RMDN2: variants seen among roughly 807,000 people sequenced by gnomAD.
The protein encoded by RMDN2 is regulator of microtubule dynamics protein 2.
Under a neutral mutation model 52.8 loss-of-function variants are expected in RMDN2, and 61 were observed. The observed-to-expected ratio is 1.16, with a 90% CI of 0.94 to 1.43. The LOEUF (loss-of-function observed/expected upper bound fraction) is 1.43, where lower values mean the gene tolerates loss of function less well. Among genes scored for constraint, RMDN2 ranks in the 40% most tolerant of loss-of-function variants. The probability of loss-of-function intolerance (pLI) is 0.00; values close to 1 mark genes in which losing one functional copy is unlikely to be tolerated. For missense variants in RMDN2, 592 were observed against 475.3 expected, an observed-to-expected ratio of 1.25 and a Z score of -2.28; for synonymous variants, 180 against 153.1, an observed-to-expected ratio of 1.18 and a Z score of -1.30.
At chr2:37,937,929 G>T (rs1244216194) in intron 2 of RMDN2, among the ~76,000 whole-genome samples, 1 of 152,182 alleles carries the variant, frequency 6.6e-6, no homozygotes, top group African/African-American at 2.4e-5. Flanking sequence ...GTGCTATGTT[G>T]AATAGGAGTG....
intron 8 of RMDN2, chr2:37,998,372 A>C (rs763274170): frequency 2.0e-5 from 3 of 152,310 alleles, no homozygotes; most frequent in African/African-American, 7.2e-5. Flanking sequence ...ACAAAAAAAT[A>C]AAAAAATTTG....
downstream of RMDN2, among the ~76,000 whole-genome samples, chr2:38,019,145 C>T (rs906253987): frequency 6.6e-6 from 1 of 152,168 alleles, no homozygotes; most frequent in Non-Finnish European, 1.5e-5. Context: ...CTCTAAACAG[C>T]TAAAGGAATG....
rs555118901 is a variant in RMDN2, at chr2:38,028,688, G to A, written c.1713+24472G>A. Among the ~76,000 whole-genome samples, 173 of 152,284 alleles carry A rather than the reference G, an allele frequency of 1.1e-3. 2 individuals carry two copies. Among genetic ancestry groups the A allele is most frequent in the Admixed American group, 2.3e-3 (35 of 15,284 alleles). On this transcript the variant is annotated intron_variant, in intron 10 of 10. Coordinates refer to the RMDN2 transcript ENST00000234195. ...TCTGCCCGCTGCAGCCCCTGGGCCAGCTTTGCCCAGCCTCTGCACCTCCCA... is the reference window on the plus strand; with the variant it reads ...TCTGCCCGCTGCAGCCCCTGGGCCAACTTTGCCCAGCCTCTGCACCTCCCA...
rs982771955 is a variant in RMDN2, at chr2:38,046,513, A to G, written c.1714-20469A>G. ...AAACATTAGATATCTATGAGGCTCA[A>G]AGAATTTAAAAAAAGATAAACAAAG... On this transcript the variant is annotated intron_variant, in intron 10 of 10. Transcript: ENST00000234195. Among the ~76,000 whole-genome samples the G allele has an allele frequency of 9.2e-5, 14 of 152,334 alleles. 1 individual carries two copies. The East Asian group carries it at 2.7e-3, about 29-fold the overall frequency.
intron 10 of RMDN2, among the ~76,000 whole-genome samples, chr2:38,006,115 A>G (rs889093102): frequency 6.6e-6 from 1 of 152,096 alleles, no homozygotes; most frequent in African/African-American, 2.4e-5. Flanking sequence ...GCCTTGTAGT[A>G]TAGTTTGAAG....
At chr2:37,946,468 A>G (rs548450258) in intron 2 of RMDN2, among the ~76,000 whole-genome samples, 2 of 152,324 alleles carry the variant, frequency 1.3e-5, no homozygotes, top group African/African-American at 2.4e-5. Context: ...CTCCTTAAGA[A>G]TCTGCACTAA....
upstream of RMDN2, among the ~76,000 whole-genome samples, chr2:37,924,953 AG>A (rs1362138417): frequency 2.0e-5 from 3 of 152,220 alleles, no homozygotes; most frequent in Non-Finnish European, 4.4e-5. Context: ...GCACAGAAAA[AG>A]GTTTAACTAG....
chr2:38,059,697 A>G (rs1441119103), intron 10 of RMDN2, among the ~76,000 whole-genome samples: 3 of 152,190 alleles, frequency 2.0e-5, no homozygotes, highest in African/African-American at 7.2e-5. Flanking sequence ...GATGAACTCA[A>G]GCTAGACTGA....
chr2:38,006,290 G>A (rs1677075187), intron 10 of RMDN2, among the ~76,000 whole-genome samples: 1 of 152,044 alleles, frequency 6.6e-6, no homozygotes, highest in South Asian at 2.1e-4. Context: ...AAATTACCTT[G>A]GTCAGTATGG....
intron 10 of RMDN2, chr2:38,030,622 T>G (rs1401460284): frequency 6.6e-6 from 1 of 152,242 alleles, no homozygotes; most frequent in Non-Finnish European, 1.5e-5. Context: ...CATGGATTTT[T>G]ATTAAACATT....
intron 2 of RMDN2, among the ~76,000 whole-genome samples, chr2:37,933,788 A>AAAGGGGAGAGGGAG (rs1271586531): frequency 7.8e-6 from 1 of 127,938 alleles, no homozygotes; most frequent in African/African-American, 2.9e-5. Context: ...GAGACCGTGG[A>AAAGGGGAGAGGGAG]AAGGGGAGAG....
At position 37,951,218 on chromosome 2, in the gene RMDN2, T is replaced by C; in HGVS notation, c.452+21489T>C. On this transcript the variant is annotated intron_variant, in intron 2 of 10. Transcript: ENST00000354545. ...CCTATTTTTTTTCCTCATTTGACCC[T>C]TTTCTCACTCTTAGCTGCTGCAAAG... The C allele has an allele frequency of 1.9e-6, 3 of 1,538,950 alleles. No homozygotes were observed. The East Asian group carries it at 6.7e-5, about 35-fold the overall frequency.
chr2:38,016,926 G>A (rs1432441502), intron 10 of RMDN2, among the ~76,000 whole-genome samples: 2 of 151,888 alleles, frequency 1.3e-5, no homozygotes, highest in African/African-American at 2.4e-5. Flanking sequence ...CAGGACATGT[G>A]AGGATTAATG....
chr2:38,034,170 C>T (rs1478473852), intron 10 of RMDN2, among the ~76,000 whole-genome samples: 1 of 152,214 alleles, frequency 6.6e-6, no homozygotes, highest in East Asian at 1.9e-4. Context: ...TTTCTTCCCA[C>T]CCTTTGACTG....
At chr2:38,019,692 G>A (rs1040259002), downstream of RMDN2, among the ~76,000 whole-genome samples, 5 of 152,080 alleles carry the variant, frequency 3.3e-5, no homozygotes, top group Non-Finnish European at 4.4e-5. Context: ...AATTATGTTC[G>A]GGAGGCTGAG....
chr2:37,969,217 A>T (rs907728128), intron 2 of RMDN2, among the ~76,000 whole-genome samples: 18 of 151,916 alleles, frequency 1.2e-4, no homozygotes, highest in African/African-American at 4.4e-4. Context: ...TTGCCTTTCC[A>T]TATTAATTTT....
chr2:37,998,130 C>T (rs1254407879), intron 8 of RMDN2: 1 of 152,174 alleles, frequency 6.6e-6, no homozygotes, highest in Admixed American at 6.5e-5. Context: ...AATCAACTTC[C>T]TGTGGGGGTA....
At chr2:38,008,196 G>C (rs1452114694) in intron 10 of RMDN2, among the ~76,000 whole-genome samples, 2 of 152,172 alleles carry the variant, frequency 1.3e-5, no homozygotes, top group Non-Finnish European at 2.9e-5. Context: ...ATTTGGGGTG[G>C]AGAGTTCTGT....
At position 38,041,820 on chromosome 2, in the gene RMDN2, T is replaced by G. The variant is rs1680973520; in HGVS notation, c.1714-25162T>G. Among the ~76,000 whole-genome samples, 4 of 152,200 alleles carry G rather than the reference T, an allele frequency of 2.6e-5. No individual in the cohort carries two copies. In the South Asian group the frequency reaches 8.3e-4, roughly 31 times the overall value. Reference sequence around the variant, plus strand: ...ACCCCACTTGGGCACAGAGTATGGTTGTAGTTTTTTTTATACAGTGTTAGA... The same window carrying G: ...ACCCCACTTGGGCACAGAGTATGGTGGTAGTTTTTTTTATACAGTGTTAGA... On this transcript the variant is annotated intron_variant, in intron 10 of 10. Transcript: ENST00000234195.
Sources: gnomAD v4.1 joint callset for allele counts (sites outside exome capture counted in the v4.1 genomes callset) on GRCh38, gnomAD v4.1.1 for gene constraint, MANE v1.5 for transcripts, NCBI Gene and HGNC (gene_info 2026-07-23, HGNC 2026-07-21) for gene names.